The following ZNF232 variants were observed in gnomAD, a reference collection of about 807,000 sequenced individuals.
ZNF232 encodes zinc finger protein 232.
ZNF232 carries 25 observed loss-of-function variants against 25.2 expected under a neutral mutation model. That is an observed-to-expected ratio of 0.99 (90% CI 0.72 to 1.39). ZNF232 has a LOEUF of 1.39. ZNF232 is among the 40% of genes most tolerant of loss of function. The probability of loss-of-function intolerance (pLI) is 0.00; values close to 1 mark genes in which losing one functional copy is unlikely to be tolerated. For missense variants in ZNF232, 519 were observed against 520.9 expected (o/e 1.00, Z 0.04); for synonymous variants, 193 against 182.9 (o/e 1.06, Z -0.45).
intron 3 of ZNF232, among the ~76,000 whole-genome samples, chr17:5,108,303 GC>G (rs1814663736): frequency 1.3e-5 from 2 of 152,144 alleles, no homozygotes; most frequent in African/African-American, 2.4e-5. Flanking sequence ...TCTAGTGTTC[GC>G]CGCTGGGAGA....
intron 1 of ZNF232, chr17:5,111,411 C>T (rs1244668516): frequency 1.6e-5 from 5 of 313,464 alleles, no homozygotes; most frequent in Non-Finnish European, 2.4e-5. Context: ...ACAAAGGAGG[C>T]GCGAGGAAAA....
At chr17:5,107,165 GA>G (rs1355389745) in intron 3 of ZNF232, among the ~76,000 whole-genome samples, 4 of 151,832 alleles carry the variant, frequency 2.6e-5, no homozygotes, top group East Asian at 3.9e-4. Flanking sequence ...AGGGCGGGTG[GA>G]TCACGAGGTC....
chr17:5,109,641 T>C (rs780485627), exon 2 of ZNF232: 1 of 1,614,236 alleles, frequency 6.2e-7, no homozygotes, highest in Non-Finnish European at 8.5e-7. Flanking sequence ...GTAGCGGAGA[T>C]GCCTGAAGCG....
In ZNF232 at chr17:5,109,059, G is replaced by C. The variant is rs2072330903; in HGVS notation, c.499-7C>G. 1.2e-6 allele frequency: 2 copies of C among 1,613,876 alleles called. No individual in the cohort carries two copies. Among genetic ancestry groups the C allele is most frequent in the Non-Finnish European group, 1.7e-6 (2 of 1,179,950 alleles). Reference sequence around the variant, plus strand: ...CATGTGCAGGGCCTGGGACCTGGAGGTGATCAGGCACCACTCAGTTTAAAT... The same window carrying C: ...CATGTGCAGGGCCTGGGACCTGGAGCTGATCAGGCACCACTCAGTTTAAAT... On this transcript the variant is annotated splice_region_variant and splice_polypyrimidine_tract_variant and intron_variant, in intron 2 of 3. Transcript: ENST00000575898.
chr17:5,109,863 G>T, exon 2 of ZNF232: 1 of 1,599,452 alleles, frequency 6.3e-7, no homozygotes, highest in South Asian at 1.1e-5. Context: ...ATCTTGCAAG[G>T]GCCCCCTGTA....
intron 3 of ZNF232, chr17:5,108,647 C>T: frequency 3.0e-6 from 1 of 332,394 alleles, no homozygotes; most frequent in East Asian, 6.3e-5. Flanking sequence ...TGATTTAGGG[C>T]TCTCTAAAGT....
upstream of ZNF232, chr17:5,114,755 G>C (rs1337122213): frequency 1.3e-5 from 2 of 152,288 alleles, no homozygotes; most frequent in African/African-American, 4.8e-5. Context: ...ACTTGAACCT[G>C]GGAGGTGGAG....
upstream of ZNF232, among the ~76,000 whole-genome samples, chr17:5,113,165 G>T (rs1567760602): frequency 1.3e-5 from 2 of 152,210 alleles, no homozygotes; most frequent in Non-Finnish European, 2.9e-5. Flanking sequence ...CCTTGAAAAT[G>T]CGCATTGACA....
At chr17:5,112,123 G>T, upstream of ZNF232, 1 of 498,078 alleles carries the variant, frequency 2.0e-6, no homozygotes, top group Non-Finnish European at 3.5e-6. Context: ...GCCCTTGTAA[G>T]CGGGTGACTT....
intron 1 of ZNF232, among the ~76,000 whole-genome samples, chr17:5,121,220 C>T (rs758373643): frequency 2.6e-4 from 39 of 152,186 alleles, no homozygotes; most frequent in Non-Finnish European, 4.9e-4. Context: ...CTGAATTCCT[C>T]CAAGGTCCAA....
At chr17:5,121,298 A>T (rs1457522739) in intron 1 of ZNF232, 4 of 354,724 alleles carry the variant, frequency 1.1e-5, no homozygotes, top group Non-Finnish European at 2.2e-5. Context: ...AGGGGCTAGG[A>T]TATGGTTCTC....
chr17:5,122,268 G>C (rs2072699275), intron 1 of ZNF232, among the ~76,000 whole-genome samples: 1 of 152,112 alleles, frequency 6.6e-6, no homozygotes, highest in Admixed American at 6.5e-5. Flanking sequence ...AGTGTGGGGT[G>C]AACACATGAA....
intron 3 of ZNF232, 23 bp downstream of exon 3, chr17:5,108,903 C>T (rs1323473989): frequency 1.2e-6 from 2 of 1,613,718 alleles, no homozygotes; most frequent in South Asian, 1.1e-5. Flanking sequence ...TCCTCTCCCT[C>T]CCCACAGAAT....
chr17:5,110,873 T>C (rs1382520000), intron 1 of ZNF232, among the ~76,000 whole-genome samples: 1 of 152,098 alleles, frequency 6.6e-6, no homozygotes, highest in Non-Finnish European at 1.5e-5. Flanking sequence ...TTTTGAGGGC[T>C]TCAATTTAAT....
exon 4 of ZNF232, chr17:5,105,963 C>T (rs766227290): frequency 6.2e-7 from 1 of 1,614,178 alleles, no homozygotes; most frequent in South Asian, 1.1e-5. Flanking sequence ...TAGATATGAG[C>T]TTTGACTAAA....
chr17:5,112,507 AG>A (rs1364351160), upstream of ZNF232, among the ~76,000 whole-genome samples: 1 of 151,742 alleles, frequency 6.6e-6, no homozygotes, highest in African/African-American at 2.4e-5. Flanking sequence ...GCTGGAGTGC[AG>A]TGGCGCGATC....
chr17:5,112,970 T>G (rs144822690), upstream of ZNF232, among the ~76,000 whole-genome samples: 90 of 152,086 alleles, frequency 5.9e-4, no homozygotes, highest in African/African-American at 2.1e-3. Context: ...AAAAAAAAAT[T>G]AATTAAAAAT....
chr17:5,121,070 C>T (rs1352967523), intron 1 of ZNF232, among the ~76,000 whole-genome samples: 3 of 152,254 alleles, frequency 2.0e-5, no homozygotes, highest in South Asian at 2.1e-4. Flanking sequence ...TGAGTACATA[C>T]GCATACCCTT....
upstream of ZNF232, among the ~76,000 whole-genome samples, chr17:5,115,714 A>G (rs572877049): frequency 2.1e-3 from 321 of 152,308 alleles, 1 homozygote; most frequent in Non-Finnish European, 3.8e-3. Context: ...AGAAGGCCCC[A>G]TGAATAACCT....
Sources: gnomAD v4.1 joint callset for allele counts (sites outside exome capture counted in the v4.1 genomes callset) on GRCh38, gnomAD v4.1.1 for gene constraint, MANE v1.5 for transcripts, NCBI Gene and HGNC (gene_info 2026-07-23, HGNC 2026-07-21) for gene names.